The following TMEM40 variants were observed in gnomAD, a reference collection of about 807,000 sequenced individuals.
TMEM40 encodes transmembrane protein 40.
A neutral mutation model predicts 40.8 loss-of-function variants in TMEM40; 34 were observed. The observed-to-expected ratio is 0.83, with a 90% CI of 0.63 to 1.11. TMEM40 has a LOEUF of 1.11. TMEM40 is among the 50% of genes least tolerant of loss of function. TMEM40 has a pLI of 0.00. For synonymous variants in TMEM40, 106 were observed against 107.0 expected, an observed-to-expected ratio of 0.99 and a Z score of 0.06; for missense variants, 296 against 280.2, an observed-to-expected ratio of 1.06 and a Z score of -0.40.
intron 1 of TMEM40, among the ~76,000 whole-genome samples, chr3:12,750,176 T>C (rs2106616290): frequency 6.6e-6 from 1 of 151,710 alleles, no homozygotes; most frequent in African/African-American, 2.4e-5. Context: ...GGTGTCTCTA[T>C]GTTGCCCAGG....
intron 3 of TMEM40, among the ~76,000 whole-genome samples, chr3:12,745,210 C>T (rs1025571359): frequency 6.7e-6 from 1 of 149,644 alleles, no homozygotes; most frequent in Non-Finnish European, 1.5e-5. Context: ...CAGGCGTGCA[C>T]CACCACACCT....
intron 5 of TMEM40, among the ~76,000 whole-genome samples, chr3:12,740,234 C>T (rs1382399087): frequency 7.9e-5 from 12 of 151,332 alleles, no homozygotes; most frequent in African/African-American, 1.9e-4. Flanking sequence ...GCTGGGATTA[C>T]GGGTGCCACC....
chr3:12,748,088 A>G (rs2061443431), intron 3 of TMEM40, among the ~76,000 whole-genome samples: 1 of 152,142 alleles, frequency 6.6e-6, no homozygotes, highest in African/African-American at 2.4e-5. Flanking sequence ...ACCATAACAC[A>G]ACAATTACTT....
At chr3:12,765,528 G>C (rs555419308) in intron 1 of TMEM40, among the ~76,000 whole-genome samples, 1 of 151,200 alleles carries the variant, frequency 6.6e-6, no homozygotes, top group Non-Finnish European at 1.5e-5. Context: ...CCACTAAATG[G>C]TTGCTTTGGG....
chr3:12,750,034 G>A (rs1466378762), intron 1 of TMEM40, among the ~76,000 whole-genome samples, 194 bp from the exon 2 acceptor site: 3 of 152,112 alleles, frequency 2.0e-5, no homozygotes, highest in Non-Finnish European at 2.9e-5. Flanking sequence ...GGTTAAGGGA[G>A]TGGGAATTGG....
At chr3:12,742,563 C>A (rs1477070028) in intron 4 of TMEM40, 56 bp from the exon 5 acceptor site, 9 of 1,587,900 alleles carry the variant, frequency 5.7e-6, no homozygotes, top group Admixed American at 1.7e-5. Context: ...ATCCAGGCCA[C>A]TTCCCTCTCC....
At chr3:12,766,549 T>G (rs1459590134) in intron 1 of TMEM40, among the ~76,000 whole-genome samples, 1 of 150,838 alleles carries the variant, frequency 6.6e-6, no homozygotes, top group Non-Finnish European at 1.5e-5. Flanking sequence ...GAGCCGAGAT[T>G]GTGCCACTGC....
chr3:12,757,469 C>CAAA (rs796454706), intron 1 of TMEM40, among the ~76,000 whole-genome samples: 3 of 87,316 alleles, frequency 3.4e-5, no homozygotes, highest in African/African-American at 1.1e-4. Context: ...AACTCCGTCT[C>CAAA]AAAAAAAAAA....
At chr3:12,747,705 T>C (rs1363667607) in intron 3 of TMEM40, among the ~76,000 whole-genome samples, 1 of 151,378 alleles carries the variant, frequency 6.6e-6, no homozygotes, top group African/African-American at 2.4e-5. Context: ...AGATCAGGAG[T>C]TCAAGACCAG....
intron 3 of TMEM40, 38 bp downstream of exon 3, chr3:12,748,617 T>C (rs2061447088): frequency 2.5e-6 from 4 of 1,579,580 alleles, no homozygotes; most frequent in Non-Finnish European, 3.4e-6. Context: ...TAAATCTTTT[T>C]CTTGAATAAT....
At chr3:12,743,654 A>T (rs2061400276) in intron 4 of TMEM40, among the ~76,000 whole-genome samples, 1 of 152,158 alleles carries the variant, frequency 6.6e-6, no homozygotes, top group Admixed American at 6.6e-5. Context: ...AATTTTTATA[A>T]AGCATAAACG....
chr3:12,756,937 G>C (rs1179403126), intron 1 of TMEM40, among the ~76,000 whole-genome samples: 2 of 151,946 alleles, frequency 1.3e-5, no homozygotes, highest in African/African-American at 4.8e-5. Context: ...ACAAGAGCTT[G>C]TCAGTTCTCT....
chr3:12,755,943 C>T (rs111843522), intron 1 of TMEM40, among the ~76,000 whole-genome samples: 14 of 152,240 alleles, frequency 9.2e-5, no homozygotes, highest in African/African-American at 2.2e-4. Flanking sequence ...AAAGAAACCG[C>T]GGATGGAGAT....
chr3:12,756,711 C>T (rs1575745199), intron 1 of TMEM40, among the ~76,000 whole-genome samples: 1 of 152,242 alleles, frequency 6.6e-6, no homozygotes, highest in East Asian at 1.9e-4. Flanking sequence ...CCTTCTCCCA[C>T]AGCCTGGAAT....
At chr3:12,766,052 G>A (rs1436895957) in intron 1 of TMEM40, among the ~76,000 whole-genome samples, 1 of 151,768 alleles carries the variant, frequency 6.6e-6, no homozygotes, top group African/African-American at 2.4e-5. Context: ...TAGAAAGAGG[G>A]TTTTGCCATG....
chr3:12,739,377 C>A (rs1178800790), intron 5 of TMEM40, among the ~76,000 whole-genome samples: 1 of 151,902 alleles, frequency 6.6e-6, no homozygotes, highest in East Asian at 1.9e-4. Flanking sequence ...CTCCGCCTCC[C>A]GGGTTCATGC....
At chr3:12,743,298 T>C (rs2061397425) in intron 4 of TMEM40, among the ~76,000 whole-genome samples, 1 of 152,000 alleles carries the variant, frequency 6.6e-6, no homozygotes, top group East Asian at 1.9e-4. Flanking sequence ...TAAAACCCTG[T>C]CTCTACTAAA....
chr3:12,755,269 T>TTC (rs1176664977), intron 1 of TMEM40, among the ~76,000 whole-genome samples: 7 of 124,002 alleles, frequency 5.6e-5, no homozygotes, highest in African/African-American at 2.7e-4. Context: ...CTTTCTTTCT[T>TTC]TCTTTCTTTC....
rs750091032 is a variant in TMEM40 at position 12,736,558 on chromosome 3, A to G, written c.619+20T>C. The G allele has an allele frequency of 2.5e-5, 39 of 1,551,626 alleles. No individual in the cohort carries two copies. The highest frequency in any genetic ancestry group is 3.2e-5 in the Non-Finnish European group (37 of 1,146,794). ...CCTCCAAGAGACTGTGTGTGTGTCC[A>G]TGCTGGGGGAGGGGCTTACCTAGTC... is the stretch of plus-strand genomic sequence containing the variant. On this transcript the variant is annotated intron_variant, in intron 10 of 11. Coordinates refer to ENST00000314124, the MANE Select transcript of TMEM40 (RefSeq NM_018306.4).
Sources: allele counts gnomAD v4.1 joint callset (sites outside exome capture counted in the v4.1 genomes callset), GRCh38; gene constraint gnomAD v4.1.1; transcripts MANE v1.5; gene names NCBI Gene and HGNC (gene_info 2026-07-23, HGNC 2026-07-21).